PLXDC2: variants seen among roughly 807,000 people sequenced by gnomAD.
PLXDC2 encodes plexin domain containing 2.
A neutral mutation model predicts 68.9 loss-of-function variants in PLXDC2; 40 were observed. The observed-to-expected ratio is 0.58, with a 90% CI of 0.45 to 0.76. The LOEUF is 0.76. PLXDC2 is among the 30% of genes least tolerant of loss of function. The probability of loss-of-function intolerance (pLI) is 0.00; values close to 1 mark genes in which losing one functional copy is unlikely to be tolerated. For missense variants in PLXDC2, 644 were observed against 661.9 expected (o/e 0.97, Z 0.30); for synonymous variants, 243 against 234.2 (o/e 1.04, Z -0.34).
intron 4 of PLXDC2, among the ~76,000 whole-genome samples, chr10:20,069,503 T>TA (rs1028659414): frequency 2.6e-5 from 4 of 151,866 alleles, no homozygotes; most frequent in African/African-American, 9.7e-5. Context: ...CAAAAACATT[T>TA]AAAAAATTAA....
At chr10:19,840,026 G>A (rs1239148937) in intron 1 of PLXDC2, among the ~76,000 whole-genome samples, 1 of 152,114 alleles carries the variant, frequency 6.6e-6, no homozygotes, top group Admixed American at 6.6e-5. Context: ...CTAATTTCCT[G>A]TGTAATGTTA....
intron 1 of PLXDC2, among the ~76,000 whole-genome samples, chr10:19,931,193 G>A (rs1001709691): frequency 2.6e-5 from 4 of 152,210 alleles, no homozygotes; most frequent in Non-Finnish European, 4.4e-5. Context: ...AGGCATGATC[G>A]GTTTTCCTTT....
intron 2 of PLXDC2, among the ~76,000 whole-genome samples, chr10:20,010,223 T>G (rs1835089291): frequency 1.3e-5 from 2 of 152,184 alleles, no homozygotes; most frequent in South Asian, 4.1e-4. Context: ...CACTCTGTGT[T>G]GCCAAAGGTT....
intron 6 of PLXDC2, among the ~76,000 whole-genome samples, chr10:20,153,129 G>A (rs1443665631): frequency 6.6e-6 from 1 of 152,130 alleles, no homozygotes; most frequent in Non-Finnish European, 1.5e-5. Flanking sequence ...CAGCCCAAAG[G>A]CTGTGGAAAG....
intron 12 of PLXDC2, among the ~76,000 whole-genome samples, chr10:20,222,795 C>A (rs538380363): frequency 8.6e-5 from 13 of 151,850 alleles, no homozygotes; most frequent in Admixed American, 2.6e-4. Flanking sequence ...CAAGGCCAAA[C>A]TGGGCAACAT....
At chr10:20,145,603 G>A (rs2098900814) in intron 5 of PLXDC2, among the ~76,000 whole-genome samples, 1 of 152,156 alleles carries the variant, frequency 6.6e-6, no homozygotes, top group South Asian at 2.1e-4. Flanking sequence ...AGGCTGGACT[G>A]CACTGGCATG....
At chr10:19,818,142 G>GA (rs1473734808) in intron 1 of PLXDC2, among the ~76,000 whole-genome samples, 1 of 150,336 alleles carries the variant, frequency 6.7e-6, no homozygotes, top group East Asian at 2.0e-4. Flanking sequence ...GAGAGAAAAA[G>GA]AAAAAAGAAA....
intron 4 of PLXDC2, among the ~76,000 whole-genome samples, chr10:20,142,201 A>G (rs1834015784): frequency 6.6e-6 from 1 of 152,086 alleles, no homozygotes; most frequent in African/African-American, 2.4e-5. Flanking sequence ...ACATTTTTTG[A>G]GCTTTAAATA....
intron 1 of PLXDC2, among the ~76,000 whole-genome samples, chr10:19,879,947 T>A (rs1302483593): frequency 1.3e-5 from 2 of 152,186 alleles, no homozygotes; most frequent in Non-Finnish European, 2.9e-5. Flanking sequence ...TGAAACAGAC[T>A]TTTAGTTGTT....
At chr10:20,190,069 A>C (rs1330950836) in intron 9 of PLXDC2, among the ~76,000 whole-genome samples, 2 of 151,866 alleles carry the variant, frequency 1.3e-5, no homozygotes, top group East Asian at 3.9e-4. Flanking sequence ...ACTGGAGATA[A>C]AGTCTGCAGA....
intron 7 of PLXDC2, among the ~76,000 whole-genome samples, chr10:20,173,347 A>G (rs551752163): frequency 1.8e-4 from 27 of 152,318 alleles, no homozygotes; most frequent in Non-Finnish European, 3.2e-4. Context: ...CCAAGTTAGG[A>G]GATTTCTCAT....
intron 1 of PLXDC2, among the ~76,000 whole-genome samples, chr10:19,979,160 T>A (rs1834506902): frequency 6.6e-6 from 1 of 152,084 alleles, no homozygotes; most frequent in African/African-American, 2.4e-5. Flanking sequence ...GGGACCTTTT[T>A]CTCCCACTTC....
chr10:20,245,616 A>G (rs2778978), intron 13 of PLXDC2, 111 bp downstream of exon 13: 972,214 of 1,261,866 alleles, frequency 0.77, 379,138 homozygotes, highest in Middle Eastern at 0.82. Context: ...TTTTCAGTTC[A>G]AGCTTTCTGA....
rs71388879 is a variant in PLXDC2, at chr10:19,900,981, A to ATGTGTGTGTG, written c.112+83816_112+83825dup. ...TAGTATCCCATGGTATATATGTGTG[A>ATGTGTGTGTG]TGTGTGTGTGTGTGTGTGTGTGTGT... is the stretch of plus-strand genomic sequence containing the variant. On this transcript the variant is annotated intron_variant, in intron 1 of 13. Coordinates refer to ENST00000377252, the MANE Select transcript of PLXDC2 (RefSeq NM_032812.9). 1.8e-3 allele frequency among the ~76,000 whole-genome samples: 260 copies of ATGTGTGTGTG among 144,564 alleles called. 2 individuals carry two copies. The highest frequency in any genetic ancestry group is 3.4e-3 in the Non-Finnish European group (225 of 65,432). 94.8% of individuals were successfully genotyped at this position (144,564 alleles called of 152,430 possible). A position where few individuals can be genotyped will look rare whatever the true frequency, so the allele number is the denominator to read the frequency against.
chr10:20,010,568 A>G (rs776860573), intron 2 of PLXDC2, among the ~76,000 whole-genome samples: 3 of 152,226 alleles, frequency 2.0e-5, no homozygotes, highest in African/African-American at 2.4e-5. Flanking sequence ...TCCATGAAGA[A>G]TAACTGAATT....
chr10:19,889,189 C>T (rs1324135798), intron 1 of PLXDC2, among the ~76,000 whole-genome samples: 1 of 151,990 alleles, frequency 6.6e-6, no homozygotes, highest in Non-Finnish European at 1.5e-5. Flanking sequence ...GGACACGGTA[C>T]ATCCCAACAT....
intron 3 of PLXDC2, among the ~76,000 whole-genome samples, chr10:20,052,168 C>T (rs1835913938): frequency 6.6e-6 from 1 of 151,990 alleles, no homozygotes; most frequent in South Asian, 2.1e-4. Context: ...TTTAAATAAG[C>T]TTTACTGCTT....
chr10:20,198,475 G>A (rs1358656509), intron 9 of PLXDC2, among the ~76,000 whole-genome samples: 3 of 151,902 alleles, frequency 2.0e-5, no homozygotes, highest in Non-Finnish European at 4.4e-5. Context: ...GTGGGTACAT[G>A]GTAGGTGTAT....
intron 1 of PLXDC2, among the ~76,000 whole-genome samples, chr10:19,818,227 G>GGTGTGT (rs749435110): frequency 0.011 from 1,505 of 137,574 alleles, 21 homozygotes; most frequent in African/African-American, 0.02. Flanking sequence ...GTTCTTTTCT[G>GGTGTGT]GTGTGTGTGT....
Sources: gnomAD v4.1 joint callset for allele counts (sites outside exome capture counted in the v4.1 genomes callset) on GRCh38, gnomAD v4.1.1 for gene constraint, MANE v1.5 for transcripts, NCBI Gene and HGNC (gene_info 2026-07-23, HGNC 2026-07-21) for gene names.